Variants in PRKN observed in about 807,000 individuals in gnomAD.
PRKN encodes the protein parkin RBR E3 ubiquitin protein ligase.
A neutral mutation model predicts 59.5 loss-of-function variants in PRKN; 56 were observed. The ratio of observed to expected loss-of-function variants is 0.94; its 90% confidence interval spans 0.76 to 1.18. The LOEUF (loss-of-function observed/expected upper bound fraction) is 1.18, where lower values mean the gene tolerates loss of function less well. Among genes scored for constraint, PRKN ranks in the 50% most tolerant of loss-of-function variants. The pLI, the probability that PRKN is intolerant of heterozygous loss-of-function variation, is 0.00. For synonymous variants in PRKN, 250 were observed against 222.1 expected, an observed-to-expected ratio of 1.13 and a Z score of -1.12; for missense variants, 657 against 596.4, an observed-to-expected ratio of 1.10 and a Z score of -1.06.
At chr6:162,603,013 C>A (rs1342237646) in intron 1 of PRKN, among the ~76,000 whole-genome samples, 2 of 152,124 alleles carry the variant, frequency 1.3e-5, no homozygotes, top group Non-Finnish European at 2.9e-5. Context: ...ACTCCCAAAC[C>A]CCAGAAGCTC....
At chr6:162,317,545 A>C (rs1782803619) in intron 2 of PRKN, among the ~76,000 whole-genome samples, 1 of 152,048 alleles carries the variant, frequency 6.6e-6, no homozygotes, top group African/African-American at 2.4e-5. Context: ...AGTAGAAATT[A>C]AGTTTGTACT....
rs1785772003 is a variant in PRKN, at chr6:161,377,542, T to C, written c.1167+9252A>G. ...GTAATCCTCTTTAGGGTTGAAAGAG[T>C]GGTGAGGGGAGACCCTGTCAATAAG... On this transcript the variant is annotated intron_variant, in intron 10 of 11. Coordinates refer to ENST00000366898, the MANE Select transcript of PRKN (RefSeq NM_004562.3). The surrounding 1 kb of genome is among the most constrained non-coding windows in gnomAD (Gnocchi z 4.2). 6.6e-6 allele frequency among the ~76,000 whole-genome samples: 1 copy of C among 151,894 alleles called. No individual in the cohort carries two copies. Among genetic ancestry groups the C allele is most frequent in the Admixed American group, 6.6e-5 (1 of 15,254 alleles).
intron 6 of PRKN, among the ~76,000 whole-genome samples, chr6:161,879,776 T>C (rs1794864460): frequency 6.6e-6 from 1 of 152,204 alleles, no homozygotes; most frequent in Non-Finnish European, 1.5e-5. Context: ...AGAGTCTTTT[T>C]CATTTTCAAC....
At chr6:161,821,597 C>T (rs1329759202) in intron 6 of PRKN, among the ~76,000 whole-genome samples, 3 of 152,026 alleles carry the variant, frequency 2.0e-5, no homozygotes, top group East Asian at 1.9e-4. Context: ...GGCAAATTTT[C>T]CTCCTAATTA....
chr6:162,502,496 C>T (rs1377168235), intron 1 of PRKN, among the ~76,000 whole-genome samples: 2 of 152,098 alleles, frequency 1.3e-5, no homozygotes, highest in African/African-American at 4.8e-5. Context: ...TGTGGGCAGG[C>T]TTCACTAAAG....
intron 1 of PRKN, among the ~76,000 whole-genome samples, chr6:162,465,605 C>T (rs1465681910): frequency 3.9e-5 from 6 of 151,998 alleles, no homozygotes; most frequent in Non-Finnish European, 7.4e-5. Flanking sequence ...TATTACTTAG[C>T]CAAATGTAAT....
chr6:161,867,747 T>TTATTTATTTATTTATTTATG (rs1554236173), intron 6 of PRKN, among the ~76,000 whole-genome samples: 1,644 of 145,172 alleles, frequency 0.011, 35 homozygotes, highest in African/African-American at 0.043. Flanking sequence ...TTTCATTTAT[T>TTATTTATTTATTTATTTATG]TATTTATTTA....
intron 1 of PRKN, among the ~76,000 whole-genome samples, chr6:162,548,397 T>C (rs539186965): frequency 2.6e-5 from 4 of 152,114 alleles, no homozygotes; most frequent in Non-Finnish European, 5.9e-5. Context: ...AAAATGTGAA[T>C]GCATACTTAG....
At chr6:162,542,001 T>C (rs2128200262) in intron 1 of PRKN, among the ~76,000 whole-genome samples, 1 of 152,188 alleles carries the variant, frequency 6.6e-6, no homozygotes, top group South Asian at 2.1e-4. Context: ...CGCAAGGCTG[T>C]TGTGTTTGGT....
chr6:162,716,764 G>A (rs559424544), intron 1 of PRKN, among the ~76,000 whole-genome samples: 48 of 142,118 alleles, frequency 3.4e-4, no homozygotes, highest in African/African-American at 1.1e-3. Flanking sequence ...GCCTGCGCGC[G>A]CGCGCACGCA....
intron 4 of PRKN, among the ~76,000 whole-genome samples, chr6:162,058,957 G>GAAAA (rs553927046): frequency 7.6e-4 from 66 of 87,196 alleles, no homozygotes; most frequent in Non-Finnish European, 1.0e-3. Flanking sequence ...GCCTCAACAA[G>GAAAA]AAAAAAAAAA....
At chr6:161,700,946 C>A (rs1200733874) in intron 7 of PRKN, among the ~76,000 whole-genome samples, 5 of 152,212 alleles carry the variant, frequency 3.3e-5, no homozygotes, top group African/African-American at 1.2e-4. Context: ...TAGCAGCTGA[C>A]TGCCTGGTGT....
intron 9 of PRKN, among the ~76,000 whole-genome samples, chr6:161,524,679 T>C (rs1422854496): frequency 6.6e-6 from 1 of 152,122 alleles, no homozygotes; most frequent in Non-Finnish European, 1.5e-5. Context: ...AACCGTAACC[T>C]CATCTGCTTG....
intron 9 of PRKN, among the ~76,000 whole-genome samples, chr6:161,511,030 A>C (rs775179306): frequency 6.6e-6 from 1 of 152,224 alleles, no homozygotes; most frequent in South Asian, 2.1e-4. Flanking sequence ...TTTGCTATAG[A>C]AAATGAAGTA....
At chr6:161,862,895 G>T in intron 6 of PRKN, among the ~76,000 whole-genome samples, 1 of 152,094 alleles carries the variant, frequency 6.6e-6, no homozygotes, top group Non-Finnish European at 1.5e-5. Context: ...GATGTCAGAG[G>T]TACAAGACAC....
intron 9 of PRKN, among the ~76,000 whole-genome samples, chr6:161,387,950 C>T (rs1030802299): frequency 6.6e-6 from 1 of 152,176 alleles, no homozygotes; most frequent in Admixed American, 6.5e-5. Flanking sequence ...GCCCAAGGAA[C>T]CAATGCCCTC....
At chr6:162,277,140 C>A (rs1213366380) in intron 2 of PRKN, among the ~76,000 whole-genome samples, 2 of 152,116 alleles carry the variant, frequency 1.3e-5, no homozygotes, top group African/African-American at 2.4e-5. Context: ...TTAATTCACT[C>A]AAGGATCACC....
Position 161,526,346 on chromosome 6 carries a change from T to C in PRKN, c.1083+22508A>G, listed in dbSNP as rs192154286. Among the ~76,000 whole-genome samples the C allele has an allele frequency of 3.9e-3, 587 of 152,352 alleles. 4 individuals carry two copies. Among genetic ancestry groups the C allele is most frequent in the South Asian group, 7.9e-3 (38 of 4,830 alleles). ...AACAGATTACAGTTGCTTATTGTAT[T>C]GTACTTGAGTATTGAATAATTGCTT... On this transcript the variant is annotated intron_variant, in intron 9 of 11. Transcript: ENST00000366898. This position sits in a 1 kb window ranked among gnomAD's most constrained non-coding sequence, Gnocchi z 4.1.
chr6:162,346,633 C>T (rs1466067187), intron 2 of PRKN, among the ~76,000 whole-genome samples: 1 of 151,770 alleles, frequency 6.6e-6, no homozygotes, highest in Non-Finnish European at 1.5e-5. Flanking sequence ...TACCCCCACC[C>T]CCAAAAACAA....
Sources: gnomAD v4.1 joint callset for allele counts (sites outside exome capture counted in the v4.1 genomes callset) on GRCh38, gnomAD v4.1.1 for gene constraint, Gnocchi (gnomAD v3.1) non-coding constraint, MANE v1.5 for transcripts, NCBI Gene and HGNC (gene_info 2026-07-23, HGNC 2026-07-21) for gene names.